The following LRBA variants were observed in gnomAD, a reference collection of about 807,000 sequenced individuals.
LRBA encodes the protein lipopolysaccharide-responsive and beige-like anchor protein.
Under a neutral mutation model 330.0 loss-of-function variants are expected in LRBA, and 176 were observed. The observed-to-expected ratio is 0.53, with a 90% confidence interval of 0.47 to 0.60. LRBA has a LOEUF of 0.60. Among genes scored for constraint, LRBA ranks in the 20% least tolerant of loss-of-function variants. The pLI is 0.00. For missense variants in LRBA, 3,259 were observed against 3,444.8 expected, an observed-to-expected ratio of 0.95 and a Z score of 1.35; for synonymous variants, 1,230 against 1,193.0, an observed-to-expected ratio of 1.03 and a Z score of -0.64.
chr4:150,904,820 A>G (rs573041017), intron 13 of LRBA, among the ~76,000 whole-genome samples: 1 of 152,246 alleles, frequency 6.6e-6, no homozygotes, highest in East Asian at 1.9e-4. Flanking sequence ...TAACATTTGA[A>G]AAGACCAGCT....
chr4:150,324,001 T>A (rs1049920973), intron 49 of LRBA, among the ~76,000 whole-genome samples: 3 of 152,198 alleles, frequency 2.0e-5, no homozygotes, highest in Non-Finnish European at 4.4e-5. Flanking sequence ...CATGCACATA[T>A]GGACAAAGCG....
chr4:150,800,472 G>A (rs777415677), intron 33 of LRBA, among the ~76,000 whole-genome samples: 4 of 152,136 alleles, frequency 2.6e-5, no homozygotes, highest in Non-Finnish European at 1.5e-5. Context: ...TAGAACTTAC[G>A]TCACTTCTAT....
intron 47 of LRBA, among the ~76,000 whole-genome samples, chr4:150,383,306 G>T (rs531845102): frequency 6.6e-6 from 1 of 152,156 alleles, no homozygotes; most frequent in South Asian, 2.1e-4. Flanking sequence ...GAGTGCAGTG[G>T]CGCAATCATG....
chr4:150,471,384 T>G (rs913178085), intron 43 of LRBA, among the ~76,000 whole-genome samples: 1 of 152,142 alleles, frequency 6.6e-6, no homozygotes, highest in African/African-American at 2.4e-5. Flanking sequence ...CACAGTACTT[T>G]GAGTTTTTTA....
At chr4:150,365,513 T>C (rs10471054) in intron 47 of LRBA, among the ~76,000 whole-genome samples, 128,721 of 152,044 alleles carry the variant, frequency 0.85, 55,146 homozygotes, top group Non-Finnish European at 0.92. Flanking sequence ...GATTTTAGGC[T>C]GGGCACGGTG....
intron 2 of LRBA, among the ~76,000 whole-genome samples, chr4:151,002,387 T>C (rs1743465247): frequency 6.6e-6 from 1 of 151,088 alleles, no homozygotes; most frequent in African/African-American, 2.4e-5. Flanking sequence ...GCCAAAATGA[T>C]GAAACCCCCC....
At chr4:150,656,799 A>G (rs1048503052) in intron 37 of LRBA, among the ~76,000 whole-genome samples, 6 of 152,208 alleles carry the variant, frequency 3.9e-5, no homozygotes, top group African/African-American at 1.4e-4. Flanking sequence ...CAATGTTGCA[A>G]ACAGTGAAAC....
chr4:150,490,657 T>C (rs1189319166), intron 41 of LRBA, among the ~76,000 whole-genome samples: 1 of 151,868 alleles, frequency 6.6e-6, no homozygotes, highest in Non-Finnish European at 1.5e-5. Context: ...GCTGATTAAA[T>C]GGTTATGTAT....
chr4:150,451,704 A>C (rs1362175485), intron 44 of LRBA, among the ~76,000 whole-genome samples: 1 of 152,178 alleles, frequency 6.6e-6, no homozygotes, highest in Non-Finnish European at 1.5e-5. Context: ...TGGAAAGCAA[A>C]GATCATAGGA....
intron 40 of LRBA, among the ~76,000 whole-genome samples, chr4:150,538,453 G>A (rs1764923394): frequency 6.6e-6 from 1 of 152,176 alleles, no homozygotes; most frequent in South Asian, 2.1e-4. Context: ...AAACTGCACA[G>A]CCATAACAAA....
intron 2 of LRBA, among the ~76,000 whole-genome samples, chr4:150,954,172 C>T (rs578242083): frequency 1.3e-4 from 19 of 150,836 alleles, no homozygotes; most frequent in East Asian, 7.9e-4. Flanking sequence ...CCCGGCCAGC[C>T]GCCCCGTCCA....
chr4:150,561,454 G>C (rs980990902), intron 40 of LRBA, among the ~76,000 whole-genome samples: 1 of 152,198 alleles, frequency 6.6e-6, no homozygotes, highest in Non-Finnish European at 1.5e-5. Flanking sequence ...TTATAACAGA[G>C]AGATTAACCT....
intron 13 of LRBA, among the ~76,000 whole-genome samples, chr4:150,900,675 AAAAT>A (rs1157606094): frequency 6.6e-6 from 1 of 152,188 alleles, no homozygotes; most frequent in African/African-American, 2.4e-5. Flanking sequence ...TCAAAAGGAA[AAAAT>A]AAATAGAACA....
chr4:150,896,569 T>C, intron 15 of LRBA, 113 bp from the exon 16 acceptor site: 1 of 544,962 alleles, frequency 1.8e-6, no homozygotes, highest in Non-Finnish European at 3.2e-6. Flanking sequence ...AAAAATATAA[T>C]GTAATAGACA....
chr4:150,360,911 A>T (rs1261321888), intron 47 of LRBA, among the ~76,000 whole-genome samples: 1 of 152,242 alleles, frequency 6.6e-6, no homozygotes, highest in Admixed American at 6.5e-5. Context: ...TAATAAAGGT[A>T]AAAGGGCTAA....
intron 30 of LRBA, among the ~76,000 whole-genome samples, chr4:150,819,828 T>C (rs1477471917): frequency 2.0e-5 from 3 of 152,128 alleles, no homozygotes; most frequent in Admixed American, 6.6e-5. Flanking sequence ...TAAGATCTTA[T>C]TCTTTTATTC....
In LRBA at chr4:150,828,359, A is replaced by G; in HGVS notation, c.4992T>C (p.Thr1664=). The stretch of plus-strand genomic sequence containing the variant: ...AAACTGAAACTGACGGTGTAGCCTT[A>G]GTGTCCAAGTCATTTCCTCTATCAT... The part of the protein sequence containing the change: ...TKNDRGNDLD[T]KATPSVSVSK... Residue 1664 remains threonine (T), a synonymous_variant, in exon 30 of 57, where the codon ACT becomes ACC. Transcript: ENST00000651943. 1 of 1,614,142 alleles carries G rather than the reference A, an allele frequency of 6.2e-7. No individual in the cohort carries two copies. The highest frequency in any genetic ancestry group is 8.5e-7 in the Non-Finnish European group (1 of 1,180,010).
intron 36 of LRBA, among the ~76,000 whole-genome samples, chr4:150,717,675 G>GTAATAATAATAATGATAA (rs1553944909): frequency 6.4e-5 from 9 of 139,778 alleles, no homozygotes; most frequent in African/African-American, 2.1e-4. Context: ...AACAATAATA[G>GTAATAATAATAATGATAA]TAATAATAAT....
intron 47 of LRBA, among the ~76,000 whole-genome samples, chr4:150,397,553 T>C (rs766407480): frequency 6.6e-6 from 1 of 152,220 alleles, no homozygotes; most frequent in Non-Finnish European, 1.5e-5. Context: ...ACTGGGATTA[T>C]AGATATGTGC....
Sources: gnomAD v4.1 joint callset for allele counts (sites outside exome capture counted in the v4.1 genomes callset) on GRCh38, gnomAD v4.1.1 for gene constraint, MANE v1.5 for transcripts, NCBI Gene and HGNC (gene_info 2026-07-23, HGNC 2026-07-21) for gene names.